TMEM135: variants seen among roughly 807,000 people sequenced by gnomAD.
TMEM135 encodes the protein transmembrane protein 135, also known as peroxisomal membrane protein 52.
A neutral mutation model predicts 60.3 loss-of-function variants in TMEM135; 30 were observed. That is an observed-to-expected ratio of 0.50 (90% CI 0.37 to 0.68). The LOEUF (loss-of-function observed/expected upper bound fraction) is 0.68, where lower values mean the gene tolerates loss of function less well. Among genes scored for constraint, TMEM135 ranks in the 30% least tolerant of loss-of-function variants. The probability of loss-of-function intolerance (pLI) is 0.00; values close to 1 mark genes in which losing one functional copy is unlikely to be tolerated. For synonymous variants in TMEM135, 190 were observed against 186.7 expected (o/e 1.02, Z -0.14); for missense variants, 468 against 548.8 (o/e 0.85, Z 1.47).
intron 4 of TMEM135, among the ~76,000 whole-genome samples, chr11:87,106,170 C>T (rs1343199076): frequency 6.6e-6 from 1 of 151,264 alleles, no homozygotes; most frequent in African/African-American, 2.4e-5. Context: ...GTGGGGTGAT[C>T]TCGGCTCACT....
intron 4 of TMEM135, among the ~76,000 whole-genome samples, chr11:87,155,355 A>G (rs558066735): frequency 4.9e-4 from 74 of 152,356 alleles, no homozygotes; most frequent in Non-Finnish European, 7.9e-4. Context: ...TCATTGTTAA[A>G]TCTAATGTCA....
At position 87,322,201 on chromosome 11, in the gene TMEM135, A is replaced by G. The variant is rs1235737281; in HGVS notation, c.*868A>G. On this transcript the variant is annotated 3_prime_UTR_variant, in exon 15 of 15. Coordinates refer to ENST00000305494, the MANE Select transcript of TMEM135 (RefSeq NM_022918.4). ...GACATAATCCTTCATAGCTCAGTTT[A>G]TATGCCATTGTTGTATTAGAAGGGA... is the stretch of plus-strand genomic sequence containing the variant. 4 of 454,340 alleles carry G rather than the reference A, an allele frequency of 8.8e-6. No individual in the cohort carries two copies. The highest frequency in any genetic ancestry group is 1.8e-5 in the Non-Finnish European group (4 of 226,762). 28.1% of individuals were successfully genotyped at this position (454,340 alleles called of 1,614,324 possible). A position where few individuals can be genotyped will look rare whatever the true frequency, so the allele number is the denominator to read the frequency against.
intron 6 of TMEM135, among the ~76,000 whole-genome samples, chr11:87,247,196 T>G (rs545088688): frequency 2.6e-5 from 4 of 152,252 alleles, no homozygotes; most frequent in African/African-American, 9.6e-5. Context: ...TGCTGATGTC[T>G]GATCGTTCCT....
chr11:87,197,047 A>C (rs1416742556), intron 5 of TMEM135, among the ~76,000 whole-genome samples: 1 of 152,114 alleles, frequency 6.6e-6, no homozygotes, highest in Non-Finnish European at 1.5e-5. Flanking sequence ...TACCAAAATA[A>C]AGGAAATTCA....
At chr11:87,281,075 C>T (rs1942052365) in intron 6 of TMEM135, among the ~76,000 whole-genome samples, 1 of 152,080 alleles carries the variant, frequency 6.6e-6, no homozygotes, top group Admixed American at 6.6e-5. Flanking sequence ...AAATTCATAG[C>T]ACATTATCAA....
intron 1 of TMEM135, among the ~76,000 whole-genome samples, chr11:87,061,198 T>C (rs1202843954): frequency 1.3e-5 from 2 of 152,204 alleles, no homozygotes; most frequent in Admixed American, 1.3e-4. Flanking sequence ...TCAAAATATA[T>C]AAATTCATTA....
intron 5 of TMEM135, among the ~76,000 whole-genome samples, chr11:87,224,986 C>G (rs1341787303): frequency 6.6e-6 from 1 of 151,946 alleles, no homozygotes; most frequent in Non-Finnish European, 1.5e-5. Context: ...TGCTGTTCTT[C>G]ACTAGAATAA....
At chr11:87,071,156 A>T (rs1028557598) in intron 2 of TMEM135, among the ~76,000 whole-genome samples, 17 of 152,190 alleles carry the variant, frequency 1.1e-4, no homozygotes, top group African/African-American at 3.4e-4. Flanking sequence ...CCTTAATGAG[A>T]GTTAGTGAGA....
At chr11:87,234,812 A>G (rs1173314985) in intron 5 of TMEM135, among the ~76,000 whole-genome samples, 2 of 152,018 alleles carry the variant, frequency 1.3e-5, no homozygotes, top group Admixed American at 6.6e-5. Flanking sequence ...CAAGTGTATT[A>G]TTTGTAAAGA....
chr11:87,119,078 C>T (rs1857972275), intron 4 of TMEM135, among the ~76,000 whole-genome samples: 1 of 152,228 alleles, frequency 6.6e-6, no homozygotes, highest in African/African-American at 2.4e-5. Flanking sequence ...GCATTTACAA[C>T]TTGGCTCACT....
rs1238057081 is a variant in TMEM135, at chr11:87,055,583, A to C, written c.142-12111A>C. 2.0e-5 allele frequency among the ~76,000 whole-genome samples: 3 copies of C among 152,156 alleles called. No homozygotes were observed. The South Asian group carries it at 6.2e-4, about 32-fold the overall frequency. The stretch of plus-strand genomic sequence containing the variant: ...TTCGACAAAATTGTGAAGTCTGAGA[A>C]GTTAAGCATCTTTTTTTTTTTTTTG... On this transcript the variant is annotated intron_variant, in intron 1 of 14. Transcript: ENST00000305494.
In TMEM135 at chr11:87,165,969, C is replaced by T. The variant is rs930318587; in HGVS notation, c.462+8563C>T. ...AGAGAATACTACAAACACCTCTACGCGAATGAACTAGAAAATCTAGAAGAA... is the reference window on the plus strand; with the variant it reads ...AGAGAATACTACAAACACCTCTACGTGAATGAACTAGAAAATCTAGAAGAA... On this transcript the variant is annotated intron_variant, in intron 5 of 14. Coordinates refer to ENST00000305494, the MANE Select transcript of TMEM135 (RefSeq NM_022918.4). Among the ~76,000 whole-genome samples the T allele has an allele frequency of 1.1e-4, 17 of 150,378 alleles. 1 individual carries two copies. Among genetic ancestry groups the T allele is most frequent in the Admixed American group, 2.6e-4 (4 of 15,100 alleles).
chr11:87,278,180 T>G (rs187912330), intron 6 of TMEM135, among the ~76,000 whole-genome samples: 2 of 152,314 alleles, frequency 1.3e-5, no homozygotes, highest in Admixed American at 6.5e-5. Context: ...TCCTTACTGT[T>G]ACCTCTATAC....
In TMEM135 at chr11:87,313,408, A is replaced by G. The variant is rs374985046; in HGVS notation, c.937-17A>G. 1.7e-5 allele frequency: 28 copies of G among 1,601,358 alleles called. No individual in the cohort carries two copies. In the African/African-American group the frequency reaches 3.8e-4, roughly 21 times the overall value. ...GAAATAAAATAACTGAAGTCATTGT[A>G]TTTTCTCCTTAACTAGGGTACTAGT... On this transcript the variant is annotated splice_polypyrimidine_tract_variant and intron_variant, in intron 10 of 14. Transcript: ENST00000305494.
chr11:87,327,909 T>G lies in TMEM135; in HGVS notation c.*6576T>G. Reference sequence around the variant, plus strand: ...CAATTCTCCTTTCTTCTGTTTTTATTCTACCCAGGCCTCCAGTGGATTGGA... The same window carrying G: ...CAATTCTCCTTTCTTCTGTTTTTATGCTACCCAGGCCTCCAGTGGATTGGA... On this transcript the variant is annotated 3_prime_UTR_variant, in exon 15 of 15. Coordinates refer to ENST00000305494, the MANE Select transcript of TMEM135 (RefSeq NM_022918.4). 2.2e-6 allele frequency: 1 copy of G among 454,056 alleles called. No homozygotes were observed. The highest frequency in any genetic ancestry group is 4.4e-6 in the Non-Finnish European group (1 of 226,780). The allele number at this position is 454,056 out of a possible 1,614,324, so 28.1% of individuals were successfully genotyped here. A position where few individuals can be genotyped will look rare whatever the true frequency, so the allele number is the denominator to read the frequency against.
At chr11:87,279,133 T>C (rs575513792) in intron 6 of TMEM135, among the ~76,000 whole-genome samples, 1 of 152,350 alleles carries the variant, frequency 6.6e-6, no homozygotes, top group African/African-American at 2.4e-5. Context: ...CAGGTCATTT[T>C]TTTTTCATTT....
intron 4 of TMEM135, among the ~76,000 whole-genome samples, chr11:87,145,746 C>G (rs1016781673): frequency 1.3e-5 from 2 of 151,664 alleles, no homozygotes; most frequent in African/African-American, 4.8e-5. Context: ...AATGTCTATT[C>G]AGGTCACTTA....
chr11:87,266,193 A>G (rs1409910336), intron 6 of TMEM135, among the ~76,000 whole-genome samples: 2 of 152,088 alleles, frequency 1.3e-5, no homozygotes, highest in African/African-American at 4.8e-5. Context: ...TTACAACTGG[A>G]AAGTTTTGTG....
Position 87,178,769 on chromosome 11 carries a change from T to C in TMEM135, c.462+21363T>C, listed in dbSNP as rs80018420. On this transcript the variant is annotated intron_variant, in intron 5 of 14. Coordinates refer to ENST00000305494, the MANE Select transcript of TMEM135 (RefSeq NM_022918.4). Reference sequence around the variant, plus strand: ...TTCATTCATATCAGTACTTTTTTTTTCCCTTTTCATGACTGAATAGTATTC... The same window carrying C: ...TTCATTCATATCAGTACTTTTTTTTCCCCTTTTCATGACTGAATAGTATTC... 9.5e-3 allele frequency among the ~76,000 whole-genome samples: 1,441 copies of C among 152,184 alleles called. 36 individuals carry two copies. Among genetic ancestry groups the C allele is most frequent in the African/African-American group, 0.032 (1,312 of 41,508 alleles).
Sources: allele counts gnomAD v4.1 joint callset (sites outside exome capture counted in the v4.1 genomes callset), GRCh38; gene constraint gnomAD v4.1.1; transcripts MANE v1.5; gene names NCBI Gene and HGNC (gene_info 2026-07-23, HGNC 2026-07-21).